The following NDST4 variants were observed in gnomAD, a reference collection of about 807,000 sequenced individuals.
NDST4 encodes N-deacetylase and N-sulfotransferase 4.
NDST4 carries 63 observed loss-of-function variants against 100.8 expected under a neutral mutation model. The observed-to-expected ratio is 0.62, with a 90% CI of 0.51 to 0.77. The LOEUF (loss-of-function observed/expected upper bound fraction) is 0.77. NDST4 is among the 30% of genes least tolerant of loss of function. The probability of loss-of-function intolerance (pLI) is 0.00; values close to 1 mark genes in which losing one functional copy is unlikely to be tolerated. For synonymous variants in NDST4, 377 were observed against 361.8 expected, an observed-to-expected ratio of 1.04 and a Z score of -0.48; for missense variants, 943 against 1,018.4, an observed-to-expected ratio of 0.93 and a Z score of 1.01.
chr4:115,058,860 A>G (rs573731304), intron 2 of NDST4, among the ~76,000 whole-genome samples: 31 of 152,216 alleles, frequency 2.0e-4, no homozygotes, highest in African/African-American at 7.2e-4. Flanking sequence ...GCTTAGCATT[A>G]AATTATATAA....
At chr4:114,991,906 G>A (rs892340456) in intron 2 of NDST4, among the ~76,000 whole-genome samples, 7 of 151,736 alleles carry the variant, frequency 4.6e-5, no homozygotes, top group African/African-American at 1.7e-4. Context: ...TTGTACATAT[G>A]CCTTCAATAA....
chr4:114,848,423 T>C, intron 8 of NDST4, 85 bp from the exon 9 acceptor site: 1 of 1,074,908 alleles, frequency 9.3e-7, no homozygotes, highest in Non-Finnish European at 1.3e-6. Context: ...AAAAGTAATA[T>C]TAAAATAATC....
At chr4:114,856,182 C>T (rs1290643413) in intron 7 of NDST4, among the ~76,000 whole-genome samples, 1 of 152,006 alleles carries the variant, frequency 6.6e-6, no homozygotes, top group Admixed American at 6.6e-5. Context: ...CCTACCTCAG[C>T]CTCCGGATTA....
chr4:114,944,030 A>C (rs797002602), intron 4 of NDST4, among the ~76,000 whole-genome samples: 1 of 152,168 alleles, frequency 6.6e-6, no homozygotes, highest in Non-Finnish European at 1.5e-5. Context: ...CAGAGAGGAG[A>C]TTTAGACCAA....
intron 4 of NDST4, among the ~76,000 whole-genome samples, chr4:114,951,499 A>G (rs927736997): frequency 1.4e-4 from 22 of 152,120 alleles, no homozygotes; most frequent in African/African-American, 5.3e-4. Context: ...GGTAAAACTG[A>G]TGATAACCAT....
intron 2 of NDST4, among the ~76,000 whole-genome samples, chr4:115,028,383 G>C (rs1247735994): frequency 6.6e-6 from 1 of 152,160 alleles, no homozygotes. Flanking sequence ...TGAATGCCCG[G>C]AAAGAAATAT....
intron 2 of NDST4, among the ~76,000 whole-genome samples, chr4:115,041,449 T>C (rs1370579130): frequency 6.6e-6 from 1 of 152,000 alleles, no homozygotes; most frequent in Non-Finnish European, 1.5e-5. Flanking sequence ...GATGGCAAAC[T>C]CAAACAGGTT....
At chr4:114,999,323 G>A (rs207464984) in intron 2 of NDST4, among the ~76,000 whole-genome samples, 7 of 151,772 alleles carry the variant, frequency 4.6e-5, no homozygotes, top group Non-Finnish European at 8.8e-5. Context: ...GTGTACTAGT[G>A]GTGTGACCAT....
intron 6 of NDST4, among the ~76,000 whole-genome samples, chr4:114,889,722 C>T (rs987262350): frequency 3.3e-5 from 5 of 152,158 alleles, no homozygotes; most frequent in Non-Finnish European, 7.3e-5. Flanking sequence ...AGGGAGACAG[C>T]CTTGACTGGG....
intron 1 of NDST4, among the ~76,000 whole-genome samples, chr4:115,096,703 G>A (rs969004329): frequency 3.3e-5 from 5 of 151,820 alleles, no homozygotes; most frequent in Non-Finnish European, 7.4e-5. Context: ...TTTCCTTCTC[G>A]ACTAAAATAT....
At chr4:114,920,510 T>C (rs1262240940) in intron 6 of NDST4, among the ~76,000 whole-genome samples, 1 of 152,204 alleles carries the variant, frequency 6.6e-6, no homozygotes, top group Non-Finnish European at 1.5e-5. Flanking sequence ...TTACACTTTA[T>C]ACTTTGAATG....
At chr4:114,936,324 A>G (rs1001346788) in intron 5 of NDST4, among the ~76,000 whole-genome samples, 4 of 152,178 alleles carry the variant, frequency 2.6e-5, no homozygotes, top group African/African-American at 9.7e-5. Flanking sequence ...GCCTTCTGGT[A>G]CCAATTTGCA....
chr4:115,089,630 T>A (rs1225367505), intron 1 of NDST4, among the ~76,000 whole-genome samples: 1 of 151,944 alleles, frequency 6.6e-6, no homozygotes, highest in Non-Finnish European at 1.5e-5. Context: ...ATAAAAAGCT[T>A]CTCTTTTCAC....
chr4:114,929,221 A>G (rs1302498412), intron 6 of NDST4, among the ~76,000 whole-genome samples: 9 of 151,852 alleles, frequency 5.9e-5, no homozygotes, highest in Admixed American at 5.3e-4. Flanking sequence ...ACATCTGATA[A>G]CTTCCGCCTA....
At chr4:114,829,697 C>A (rs1723152705) in intron 13 of NDST4, 93 bp downstream of exon 13, 2 of 768,618 alleles carry the variant, frequency 2.6e-6, no homozygotes, top group Non-Finnish European at 4.2e-6. Flanking sequence ...AAAGGAAGAG[C>A]AGAAAAAGGA....
chr4:114,868,509 G>C (rs2126195971), intron 7 of NDST4, among the ~76,000 whole-genome samples: 1 of 152,124 alleles, frequency 6.6e-6, no homozygotes. Flanking sequence ...AAGTTCATCA[G>C]ATTTGCTGCA....
chr4:114,852,842 TA>T, intron 7 of NDST4, 21 bp from the exon 8 acceptor site: 6 of 1,528,848 alleles, frequency 3.9e-6, no homozygotes, highest in Non-Finnish European at 5.4e-6. Flanking sequence ...GAAGAATAAG[TA>T]ACCTCACAGT....
intron 6 of NDST4, among the ~76,000 whole-genome samples, chr4:114,931,951 T>C (rs768394111): frequency 1.8e-4 from 28 of 151,980 alleles, no homozygotes; most frequent in South Asian, 2.1e-4. Context: ...CTCAAACTCT[T>C]GCAAAAAATT....
intron 2 of NDST4, among the ~76,000 whole-genome samples, chr4:115,056,796 T>C (rs1280366121): frequency 1.3e-5 from 2 of 152,178 alleles, no homozygotes; most frequent in Admixed American, 1.3e-4. Flanking sequence ...TTTCCTTATT[T>C]CCAAAGACCA....
Sources: allele counts gnomAD v4.1 joint callset (sites outside exome capture counted in the v4.1 genomes callset), GRCh38; gene constraint gnomAD v4.1.1; transcripts MANE v1.5; gene names NCBI Gene and HGNC (gene_info 2026-07-23, HGNC 2026-07-21).